The following R3HDM2 variants were observed in gnomAD, a reference collection of about 807,000 sequenced individuals.
R3HDM2 encodes the protein R3H domain containing 2.
Under a neutral mutation model 124.5 loss-of-function variants are expected in R3HDM2, and 38 were observed. The ratio of observed to expected loss-of-function variants is 0.31; its 90% CI spans 0.24 to 0.40. The LOEUF (loss-of-function observed/expected upper bound fraction) is 0.40. R3HDM2 is among the 10% of genes least tolerant of loss of function. R3HDM2 has a pLI of 1.00. For synonymous variants in R3HDM2, 391 were observed against 448.0 expected (o/e 0.87, Z 1.61); for missense variants, 869 against 1,236.9 (o/e 0.70, Z 4.46).
At chr12:57,422,125 G>T (rs989066661) in intron 1 of R3HDM2, among the ~76,000 whole-genome samples, 1 of 149,226 alleles carries the variant, frequency 6.7e-6, no homozygotes, top group Non-Finnish European at 1.5e-5. Context: ...AAAATTTTGA[G>T]TCCATCTATC....
chr12:57,258,017 A>G lies in R3HDM2; in HGVS notation c.2422T>C (p.Phe808Leu). Residue 808 changes from phenylalanine (F) to leucine (L), a missense_variant, in exon 21 of 24, where the codon TTC becomes CTC. By Grantham distance (22) the Phe-to-Leu change is conservative. Coordinates refer to ENST00000402412, the MANE Select transcript of R3HDM2 (RefSeq NM_001394031.1). ...TGTGCTGGACCCCCAGGCCGGGGGAACTGTGTGAGGACAGGCAGGGGACTG... is the reference window on the plus strand; with the variant it reads ...TGTGCTGGACCCCCAGGCCGGGGGAGCTGTGTGAGGACAGGCAGGGGACTG... The part of the protein sequence containing the change: ...GLSPLPVLTQ[F>L]PRPGGPAQGD... The G allele has an allele frequency of 3.8e-6, 6 of 1,579,778 alleles. No individual in the cohort carries two copies. Among genetic ancestry groups the G allele is most frequent in the Non-Finnish European group, 5.2e-6 (6 of 1,156,940 alleles).
At chr12:57,359,712 A>T (rs927844453) in intron 2 of R3HDM2, among the ~76,000 whole-genome samples, 8 of 152,098 alleles carry the variant, frequency 5.3e-5, no homozygotes, top group Admixed American at 4.6e-4. Context: ...GGTTGGATTT[A>T]AATCGACCAC....
chr12:57,376,687 C>A (rs1475615467), intron 2 of R3HDM2, among the ~76,000 whole-genome samples: 1 of 152,066 alleles, frequency 6.6e-6, no homozygotes, highest in African/African-American at 2.4e-5. Flanking sequence ...CAGTGGCTCA[C>A]ACCTATACTC....
intron 1 of R3HDM2, among the ~76,000 whole-genome samples, chr12:57,399,753 T>G (rs1029808955): frequency 3.3e-5 from 5 of 152,214 alleles, no homozygotes; most frequent in Non-Finnish European, 4.4e-5. Context: ...CCACTTCTAA[T>G]GGTGTCATTA....
intron 2 of R3HDM2, among the ~76,000 whole-genome samples, chr12:57,356,525 A>C (rs2061316702): frequency 6.6e-6 from 1 of 152,198 alleles, no homozygotes; most frequent in African/African-American, 2.4e-5. Context: ...ATCCACGTAC[A>C]CAAGAAAATT....
chr12:57,425,088 C>A (rs2070604027), intron 1 of R3HDM2, among the ~76,000 whole-genome samples: 1 of 152,150 alleles, frequency 6.6e-6, no homozygotes, highest in Non-Finnish European at 1.5e-5. Flanking sequence ...GCCTGACCAA[C>A]ATGGAGAAAC....
At chr12:57,414,863 G>A (rs2069415038) in intron 1 of R3HDM2, among the ~76,000 whole-genome samples, 1 of 151,798 alleles carries the variant, frequency 6.6e-6, no homozygotes, top group Non-Finnish European at 1.5e-5. Flanking sequence ...AAAAGAATGA[G>A]AAGCAATTTC....
intron 2 of R3HDM2, among the ~76,000 whole-genome samples, chr12:57,345,993 C>T (rs2060046296): frequency 6.6e-6 from 1 of 152,070 alleles, no homozygotes; most frequent in African/African-American, 2.4e-5. Flanking sequence ...AACCCAACCT[C>T]TACCAAAAAT....
intron 1 of R3HDM2, among the ~76,000 whole-genome samples, chr12:57,404,910 T>C (rs1372014154): frequency 6.6e-6 from 1 of 152,084 alleles, no homozygotes. Flanking sequence ...AAGATATCTA[T>C]AATTAATATG....
At position 57,323,842 on chromosome 12, in the gene R3HDM2, C is replaced by T. The variant is rs567112231; in HGVS notation, c.-35-13379G>A. 2.6e-5 allele frequency among the ~76,000 whole-genome samples: 4 copies of T among 152,222 alleles called. No homozygotes were observed. The East Asian group carries it at 7.7e-4, about 29-fold the overall frequency. ...TGGAACAGAACAAACCGAATAGCCT[C>T]CTCTTTCAAACAAAGAGGAGCAGAG... On this transcript the variant is annotated intron_variant, in intron 2 of 23. Transcript: ENST00000402412.
chr12:57,318,788 T>C (rs950316121), intron 2 of R3HDM2, among the ~76,000 whole-genome samples: 27 of 152,230 alleles, frequency 1.8e-4, no homozygotes, highest in African/African-American at 6.5e-4. Context: ...GTATCTCATT[T>C]AATCTTACAA....
rs773557580 is a variant in R3HDM2, at chr12:57,266,784, A to G, written c.2078T>C (p.Met693Thr). The G allele has an allele frequency of 4.3e-6, 7 of 1,611,124 alleles. No homozygotes were observed. The highest frequency in any genetic ancestry group is 5.9e-6 in the Non-Finnish European group (7 of 1,177,540). The change falls in exon 19 of 24, where the codon ATG (methionine) becomes ACG (threonine). Residue 693 changes from methionine to threonine, a missense_variant. Physicochemically the swap from Met to Thr is moderately conservative, Grantham distance 81. Transcript: ENST00000402412. Reference sequence around the variant, plus strand: ...ACTGCAGGGAGAGGGAGACTGAGGCATCTGGTACTGCTCAGAGCCAGGGGG... The same window carrying G: ...ACTGCAGGGAGAGGGAGACTGAGGCGTCTGGTACTGCTCAGAGCCAGGGGG... Reference protein sequence around the residue: ...LQPPGSEQYQMPQSPSPCSPP... With the variant: ...LQPPGSEQYQTPQSPSPCSPP...
At chr12:57,356,878 C>T (rs1394189892) in intron 2 of R3HDM2, among the ~76,000 whole-genome samples, 3 of 152,048 alleles carry the variant, frequency 2.0e-5, no homozygotes, top group East Asian at 1.9e-4. Flanking sequence ...GAGGCCGAGG[C>T]GGGCGAATCG....
chr12:57,392,534 C>T (rs2066853587), intron 2 of R3HDM2, among the ~76,000 whole-genome samples: 1 of 152,064 alleles, frequency 6.6e-6, no homozygotes, highest in African/African-American at 2.4e-5. Context: ...GGTCCATGGC[C>T]CAGGGACTGG....
chr12:57,333,518 C>G (rs10876973), intron 2 of R3HDM2, among the ~76,000 whole-genome samples: 2 of 151,416 alleles, frequency 1.3e-5, no homozygotes, highest in Non-Finnish European at 2.9e-5. Context: ...GGTGAAACCC[C>G]GTCTCTACTA....
At chr12:57,272,379 A>G in intron 14 of R3HDM2, 1 of 1,296,704 alleles carries the variant, frequency 7.7e-7, no homozygotes, top group Non-Finnish European at 1.1e-6. Context: ...CAAGGCCATC[A>G]CAGACTGACC....
At chr12:57,350,892 A>C (rs1402745956) in intron 2 of R3HDM2, among the ~76,000 whole-genome samples, 1 of 152,156 alleles carries the variant, frequency 6.6e-6, no homozygotes, top group Non-Finnish European at 1.5e-5. Flanking sequence ...CAAAGTCAGG[A>C]GTTCAAGACC....
intron 2 of R3HDM2, among the ~76,000 whole-genome samples, chr12:57,318,246 C>G (rs1361117717): frequency 5.3e-5 from 8 of 151,762 alleles, no homozygotes; most frequent in Admixed American, 3.9e-4. Context: ...CAACCGAGAT[C>G]ATACTACTGC....
intron 1 of R3HDM2, among the ~76,000 whole-genome samples, chr12:57,399,164 G>A (rs1435605692): frequency 6.6e-6 from 1 of 152,170 alleles, no homozygotes; most frequent in East Asian, 1.9e-4. Flanking sequence ...AGCACTTTGG[G>A]AGGCCGAGGT....
Sources: allele counts gnomAD v4.1 joint callset (sites outside exome capture counted in the v4.1 genomes callset), GRCh38; gene constraint gnomAD v4.1.1; transcripts MANE v1.5; gene names NCBI Gene and HGNC (gene_info 2026-07-23, HGNC 2026-07-21).